The following GRK4 variants were observed in gnomAD, a reference collection of about 807,000 sequenced individuals.
The protein encoded by GRK4 is G protein-coupled receptor kinase 2-like.
In GRK4, 73 loss-of-function variants were observed where a neutral mutation model predicts 77.9. That is an observed-to-expected ratio of 0.94 (90% CI 0.78 to 1.14). The LOEUF is 1.14. Ranked by LOEUF, GRK4 falls within the 50% of genes most tolerant of loss-of-function variation. The pLI, the probability that GRK4 is intolerant of heterozygous loss-of-function variation, is 0.00. For missense variants in GRK4, 729 were observed against 700.2 expected (o/e 1.04, Z -0.46); for synonymous variants, 257 against 254.4 (o/e 1.01, Z -0.10).
intron 15 of GRK4, 71 bp from the exon 16 acceptor site, chr4:3,040,501 G>T (rs1742106082): frequency 1.6e-6 from 2 of 1,284,322 alleles, no homozygotes; most frequent in Non-Finnish European, 2.2e-6. Flanking sequence ...TTTGTAAATG[G>T]TTGTCTGCAC....
intron 1 of GRK4, chr4:2,965,427 A>G (rs1195309687): frequency 1.4e-6 from 1 of 702,926 alleles, no homozygotes; most frequent in Middle Eastern, 2.3e-4. Flanking sequence ...ACACCCCGTC[A>G]CTCTTACGGA....
intron 4 of GRK4, among the ~76,000 whole-genome samples, chr4:2,994,981 T>G (rs1727352884): frequency 1.3e-5 from 2 of 152,182 alleles, no homozygotes; most frequent in South Asian, 4.1e-4. Flanking sequence ...TCCCTCTGTG[T>G]GTCCATGTGT....
At chr4:3,035,358 A>G in intron 12 of GRK4, 28 bp from the exon 13 acceptor site, 4 of 1,613,272 alleles carry the variant, frequency 2.5e-6, no homozygotes, top group Non-Finnish European at 3.4e-6. Context: ...CCAGAGGCTC[A>G]AGTGGGTTGC....
At chr4:2,972,532 G>T (rs1056005923) in intron 1 of GRK4, among the ~76,000 whole-genome samples, 1 of 151,990 alleles carries the variant, frequency 6.6e-6, no homozygotes, top group Non-Finnish European at 1.5e-5. Flanking sequence ...CTGCGGGGGG[G>T]GGCCCTTTCT....
intron 1 of GRK4, among the ~76,000 whole-genome samples, chr4:2,967,149 C>G (rs184766038): frequency 6.6e-6 from 1 of 152,188 alleles, no homozygotes; most frequent in African/African-American, 2.4e-5. Flanking sequence ...TCACCAGACA[C>G]CAAATCTGTC....
chr4:3,021,174 C>G (rs1560474651), intron 9 of GRK4, among the ~76,000 whole-genome samples: 1 of 152,200 alleles, frequency 6.6e-6, no homozygotes, highest in Non-Finnish European at 1.5e-5. Context: ...TCCCACACCC[C>G]CTGCCCTCAT....
chr4:3,032,979 A>C (rs1303906293), intron 12 of GRK4, among the ~76,000 whole-genome samples: 2 of 152,064 alleles, frequency 1.3e-5, no homozygotes, highest in African/African-American at 4.8e-5. Flanking sequence ...AATCCCTTAG[A>C]CTGAGTAATT....
At chr4:3,038,127 C>G (rs898835090) in intron 14 of GRK4, among the ~76,000 whole-genome samples, 2 of 152,192 alleles carry the variant, frequency 1.3e-5, no homozygotes, top group Non-Finnish European at 2.9e-5. Context: ...GGCTGGCAGC[C>G]AGGGTTCCCA....
intron 3 of GRK4, among the ~76,000 whole-genome samples, chr4:2,989,107 G>T (rs983809473): frequency 6.6e-6 from 1 of 152,050 alleles, no homozygotes; most frequent in African/African-American, 2.4e-5. Flanking sequence ...ACTTGAACCA[G>T]GAGGCGGAGG....
chr4:2,965,794 T>C (rs1560329509), intron 1 of GRK4: 1 of 322,242 alleles, frequency 3.1e-6, no homozygotes. Context: ...TCCCTTAAGA[T>C]AATCAGGGAG....
Position 2,985,321 on chromosome 4 carries a change from A to G in GRK4, c.148+713A>G, listed in dbSNP as rs527398582. 5.9e-5 allele frequency among the ~76,000 whole-genome samples: 9 copies of G among 151,758 alleles called. No homozygotes were observed. The South Asian group carries it at 6.2e-4, about 11-fold the overall frequency. ...GAGGCTGAGGCAGGAGAATGACGTGAAACCGGGAGGCGGAGCTTGCAGTGA... is the reference window on the plus strand; with the variant it reads ...GAGGCTGAGGCAGGAGAATGACGTGGAACCGGGAGGCGGAGCTTGCAGTGA... On this transcript the variant is annotated intron_variant, in intron 2 of 15. Coordinates refer to ENST00000398052, the MANE Select transcript of GRK4 (RefSeq NM_182982.3).
At chr4:2,979,789 G>A (rs1722341436) in intron 1 of GRK4, among the ~76,000 whole-genome samples, 1 of 152,164 alleles carries the variant, frequency 6.6e-6, no homozygotes, top group Non-Finnish European at 1.5e-5. Flanking sequence ...TGAGGTAGCT[G>A]GATCTCTTGA....
chr4:3,002,253 A>G (rs2109804627), intron 4 of GRK4, among the ~76,000 whole-genome samples: 1 of 152,192 alleles, frequency 6.6e-6, no homozygotes, highest in African/African-American at 2.4e-5. Context: ...ACACCGGGAG[A>G]CCGTGCAGTC....
At chr4:3,026,817 G>A (rs1174400127) in intron 10 of GRK4, among the ~76,000 whole-genome samples, 1 of 152,216 alleles carries the variant, frequency 6.6e-6, no homozygotes, top group Non-Finnish European at 1.5e-5. Flanking sequence ...CATGCAGACT[G>A]TTTTAAAATG....
intron 1 of GRK4, among the ~76,000 whole-genome samples, chr4:2,973,827 C>G (rs1720314988): frequency 6.6e-6 from 1 of 152,212 alleles, no homozygotes; most frequent in Admixed American, 6.5e-5. Flanking sequence ...TCTGAACTCT[C>G]TTCATGGCTT....
intron 10 of GRK4, among the ~76,000 whole-genome samples, chr4:3,025,908 G>A (rs1231666164): frequency 6.6e-6 from 1 of 152,148 alleles, no homozygotes; most frequent in Non-Finnish European, 1.5e-5. Context: ...TAGACCACAT[G>A]TATTGTCCTC....
chr4:3,018,161 T>C (rs538253979), intron 8 of GRK4, among the ~76,000 whole-genome samples: 1 of 151,902 alleles, frequency 6.6e-6, no homozygotes, highest in South Asian at 2.1e-4. Flanking sequence ...TCCTCCTACC[T>C]AGGCCTCCCA....
chr4:3,010,023 A>G (rs1211425957), intron 7 of GRK4, among the ~76,000 whole-genome samples: 1 of 152,178 alleles, frequency 6.6e-6, no homozygotes. Flanking sequence ...TGGAATTTCC[A>G]TGATTCTATT....
intron 3 of GRK4, among the ~76,000 whole-genome samples, chr4:2,991,197 T>C (rs896858114): frequency 6.6e-6 from 1 of 152,214 alleles, no homozygotes; most frequent in South Asian, 2.1e-4. Flanking sequence ...TCTCCAGTAA[T>C]GGGCTGAAGC....
Sources: allele counts gnomAD v4.1 joint callset (sites outside exome capture counted in the v4.1 genomes callset), GRCh38; gene constraint gnomAD v4.1.1; transcripts MANE v1.5; gene names NCBI Gene and HGNC (gene_info 2026-07-23, HGNC 2026-07-21).